CHMP7: variants seen among roughly 807,000 people sequenced by gnomAD.
CHMP7 encodes the protein charged multivesicular body protein 7.
CHMP7 carries 15 observed loss-of-function variants against 53.7 expected under a neutral mutation model. The observed-to-expected ratio is 0.28, with a 90% CI of 0.19 to 0.43. The LOEUF (loss-of-function observed/expected upper bound fraction) is 0.43. Among genes scored for constraint, CHMP7 ranks in the 20% least tolerant of loss-of-function variants. The probability of loss-of-function intolerance (pLI) is 1.00; values close to 1 mark genes in which losing one functional copy is unlikely to be tolerated. For synonymous variants in CHMP7, 261 were observed against 228.0 expected, an observed-to-expected ratio of 1.14 and a Z score of -1.30; for missense variants, 527 against 569.4, an observed-to-expected ratio of 0.93 and a Z score of 0.76.
rs1350375711 is a variant in CHMP7, at chr8:23,260,986, C to CA, written c.*387_*388insA. 6 of 257,544 alleles carry CA rather than the reference C, an allele frequency of 2.3e-5. No individual in the cohort carries two copies. Among genetic ancestry groups the CA allele is most frequent in the Non-Finnish European group, 3.0e-5 (4 of 134,178 alleles). The allele number at this position is 257,544 out of a possible 1,614,324, so 16.0% of individuals were successfully genotyped here. ...AAATCTGAATCAGTTCCCACTCCCC[C>CA]CTGCGGTTTTTTAGAGGGGTTTATC... On this transcript the variant is annotated 3_prime_UTR_variant, in exon 11 of 11. Transcript: ENST00000397677.
At position 23,260,231 on chromosome 8, in the gene CHMP7, G is replaced by T. The variant is rs760597457; in HGVS notation, c.1208G>T (p.Arg403Leu). 1 of 1,614,094 alleles carries T rather than the reference G, an allele frequency of 6.2e-7. No individual in the cohort carries two copies. The highest frequency in any genetic ancestry group is 1.7e-5 in the Admixed American group (1 of 60,010). ...CCTTTGGATCTGCCTGACAACCCCC[G>T]CAATAGGCATTTTACCAACAGCGTG... ...KEPLDLPDNP[R>L]NRHFTNSVPN... The change falls in exon 10 of 11, where the codon CGC becomes CTC. Residue 403 changes from arginine (R) to leucine (L), a missense_variant. Coordinates refer to ENST00000397677, the MANE Select transcript of CHMP7 (RefSeq NM_152272.5).
Position 23,244,099 on chromosome 8 carries a change from T to C in CHMP7, c.-441+255T>C, listed in dbSNP as rs373459509. On this transcript the variant is annotated intron_variant, in intron 1 of 10. Coordinates refer to ENST00000397677, the MANE Select transcript of CHMP7 (RefSeq NM_152272.5). Reference sequence around the variant, plus strand: ...ATAGTTTCTACCAGTCTGTGGCTTATCTTCACATTCTCTTCACAGTGTCTT... The same window carrying C: ...ATAGTTTCTACCAGTCTGTGGCTTACCTTCACATTCTCTTCACAGTGTCTT... Among the ~76,000 whole-genome samples the C allele has an allele frequency of 6.4e-4, 98 of 152,278 alleles. 1 individual carries two copies. In the South Asian group the frequency reaches 9.5e-3, roughly 15 times the overall value.
At chr8:23,253,239 C>T (rs937816864) in intron 3 of CHMP7, among the ~76,000 whole-genome samples, 2 of 152,130 alleles carry the variant, frequency 1.3e-5, no homozygotes, top group African/African-American at 4.8e-5. Context: ...TTTGTATATC[C>T]ACTGATAGGT....
chr8:23,259,237 C>T (rs1370997021), intron 9 of CHMP7, 111 bp downstream of exon 9: 54 of 545,044 alleles, frequency 9.9e-5, no homozygotes, highest in Non-Finnish European at 1.5e-4. Context: ...GGCGGGATCT[C>T]GGCTCACTGC....
At chr8:23,245,772 G>A (rs1388160935) in intron 1 of CHMP7, among the ~76,000 whole-genome samples, 4 of 152,184 alleles carry the variant, frequency 2.6e-5, no homozygotes, top group African/African-American at 9.7e-5. Flanking sequence ...CTGTGTGGAT[G>A]TTGTTAATTA....
intron 3 of CHMP7, 157 bp from the exon 4 acceptor site, chr8:23,255,090 C>A: frequency 2.8e-6 from 2 of 705,750 alleles, no homozygotes; most frequent in Non-Finnish European, 4.8e-6. Flanking sequence ...AAACACAGAT[C>A]CTTCCTCCTT....
chr8:23,260,169 G>C lies in CHMP7; in HGVS notation c.1146G>C (p.Lys382Asn). 1 of 1,614,156 alleles carries C rather than the reference G, an allele frequency of 6.2e-7. No homozygotes were observed. The change falls in exon 10 of 11, where the codon AAG (lysine) becomes AAC (asparagine). Residue 382 changes from lysine (K) to asparagine (N), a missense_variant. Physicochemically the swap from Lys to Asn is moderately conservative, Grantham distance 94 (BLOSUM62 0). Transcript: ENST00000397677. ...GLDFDSEELE[K>N]ELDILLQDTT... Reference sequence around the variant, plus strand: ...ATTTTGACAGTGAAGAACTGGAGAAGGAATTGGACATCCTCCTTCAGGATA... The same window carrying C: ...ATTTTGACAGTGAAGAACTGGAGAACGAATTGGACATCCTCCTTCAGGATA...
rs759015296 is a variant in CHMP7, at chr8:23,255,327, C to T, written c.552C>T (p.Ser184=). 4 of 1,614,214 alleles carry T rather than the reference C, an allele frequency of 2.5e-6. No homozygotes were observed. The South Asian group carries it at 3.3e-5, about 13-fold the overall frequency. ...SHPVVALSEL[S]TLCANSCPDE... ...CCGTGGTGGCCCTGTCAGAGCTCAG[C>T]ACCCTCTGTGCTAACTCCTGCCCAG... Residue 184 remains serine (S), a synonymous_variant, in exon 4 of 11, where the codon AGC becomes AGT. Coordinates refer to ENST00000397677, the MANE Select transcript of CHMP7 (RefSeq NM_152272.5).
At chr8:23,254,208 C>A (rs1022126028) in intron 3 of CHMP7, among the ~76,000 whole-genome samples, 5 of 150,396 alleles carry the variant, frequency 3.3e-5, no homozygotes, top group African/African-American at 7.3e-5. Flanking sequence ...TCAAGAAATC[C>A]TGAATCCCCA....
intron 9 of CHMP7, among the ~76,000 whole-genome samples, chr8:23,259,545 G>A (rs71515822): frequency 4.6e-5 from 7 of 152,126 alleles, no homozygotes; most frequent in Non-Finnish European, 7.4e-5. Context: ...ATTTTTAGTA[G>A]AGATGGGGTT....
intron 3 of CHMP7, 54 bp from the exon 4 acceptor site, chr8:23,255,193 C>T: frequency 6.3e-7 from 1 of 1,591,300 alleles, no homozygotes; most frequent in Non-Finnish European, 8.6e-7. Flanking sequence ...GTCAGGGTCC[C>T]TGCATCCCAT....
At chr8:23,259,238 G>T (rs1391027931) in intron 9 of CHMP7, 112 bp downstream of exon 9, 17 of 555,126 alleles carry the variant, frequency 3.1e-5, no homozygotes, top group African/African-American at 2.0e-4. Flanking sequence ...GCGGGATCTC[G>T]GCTCACTGCA....
intron 9 of CHMP7, among the ~76,000 whole-genome samples, chr8:23,259,660 A>G (rs182632705): frequency 7.2e-5 from 11 of 152,258 alleles, no homozygotes; most frequent in Non-Finnish European, 1.5e-4. Context: ...ACCTGGCCCA[A>G]GGTGAGTGTT....
intron 3 of CHMP7, among the ~76,000 whole-genome samples, chr8:23,249,730 G>A (rs991395953): frequency 3.9e-5 from 6 of 152,158 alleles, no homozygotes; most frequent in African/African-American, 1.4e-4. Flanking sequence ...TTTCAGCATT[G>A]CCACCTCTAA....
At chr8:23,249,579 C>G (rs1327504976) in intron 3 of CHMP7, among the ~76,000 whole-genome samples, 198 bp downstream of exon 3, 2 of 152,076 alleles carry the variant, frequency 1.3e-5, no homozygotes, top group East Asian at 1.9e-4. Context: ...AAGGGGTTAG[C>G]CTTTGTGTCG....
chr8:23,253,735 T>C (rs1802019433), intron 3 of CHMP7, among the ~76,000 whole-genome samples: 1 of 152,244 alleles, frequency 6.6e-6, no homozygotes, highest in Admixed American at 6.5e-5. Flanking sequence ...AGACTTTTTC[T>C]TCCAACCCTA....
chr8:23,252,195 C>CTTTTTATTTTTTTTTTTTTTTT (rs1801957834), intron 3 of CHMP7, among the ~76,000 whole-genome samples: 2 of 105,298 alleles, frequency 1.9e-5, no homozygotes, highest in Non-Finnish European at 2.0e-5. Context: ...ATTGTGTTAT[C>CTTTTTATTTTTTTTTTTTTTTT]TTTTTTTTTT....
At chr8:23,247,471 C>T (rs1173856287) in intron 2 of CHMP7, among the ~76,000 whole-genome samples, 1 of 152,174 alleles carries the variant, frequency 6.6e-6, no homozygotes, top group East Asian at 1.9e-4. Context: ...TCTGGCTTGT[C>T]CTTGGCACAG....
At chr8:23,256,075 T>C (rs1802113943) in intron 4 of CHMP7, among the ~76,000 whole-genome samples, 2 of 152,126 alleles carry the variant, frequency 1.3e-5, no homozygotes, top group African/African-American at 4.8e-5. Flanking sequence ...TACTTAATAA[T>C]GGCCCCAAAG....
Sources: allele counts gnomAD v4.1 joint callset (sites outside exome capture counted in the v4.1 genomes callset), GRCh38; gene constraint gnomAD v4.1.1; transcripts MANE v1.5; gene names NCBI Gene and HGNC (gene_info 2026-07-23, HGNC 2026-07-21).